The following ELOVL5 variants were observed in gnomAD, a reference collection of about 807,000 sequenced individuals.
ELOVL5 encodes very long chain fatty acid elongase 5.
Under a neutral mutation model 38.6 loss-of-function variants are expected in ELOVL5, and 8 were observed. That is an observed-to-expected ratio of 0.21 (90% CI 0.12 to 0.37). The LOEUF is 0.37. Ranked by LOEUF, ELOVL5 falls within the 10% of genes least tolerant of loss-of-function variation. The pLI, the probability that ELOVL5 is intolerant of heterozygous loss-of-function variation, is 1.00. For synonymous variants in ELOVL5, 127 were observed against 133.7 expected, an observed-to-expected ratio of 0.95 and a Z score of 0.34; for missense variants, 280 against 367.8, an observed-to-expected ratio of 0.76 and a Z score of 1.95.
intron 1 of ELOVL5, among the ~76,000 whole-genome samples, chr6:53,297,014 T>G (rs917435818): frequency 6.6e-6 from 1 of 152,172 alleles, no homozygotes; most frequent in Non-Finnish European, 1.5e-5. Context: ...AGATGGGACG[T>G]AGAGATAGGA....
At chr6:53,306,558 G>C (rs1258270914) in intron 1 of ELOVL5, among the ~76,000 whole-genome samples, 1 of 152,052 alleles carries the variant, frequency 6.6e-6, no homozygotes, top group Non-Finnish European at 1.5e-5. Flanking sequence ...AGGGTAACAT[G>C]ATTTTAGAAC....
At chr6:53,326,952 CTG>C (rs146741341) in intron 1 of ELOVL5, among the ~76,000 whole-genome samples, 1,921 of 152,324 alleles carry the variant, frequency 0.013, 41 homozygotes, top group African/African-American at 0.044. Context: ...ACTTTAGAAA[CTG>C]TGTGTCCACC....
intron 1 of ELOVL5, among the ~76,000 whole-genome samples, chr6:53,317,821 GAACA>G (rs1251201972): frequency 1.6e-5 from 2 of 127,778 alleles, no homozygotes; most frequent in East Asian, 4.5e-4. Flanking sequence ...AAAAAGATGA[GAACA>G]AAAAAAAATT....
Position 53,311,204 on chromosome 6 carries a change from C to T in ELOVL5, c.-8-15497G>A, listed in dbSNP as rs115680113. Among the ~76,000 whole-genome samples the T allele has an allele frequency of 7.3e-3, 1,109 of 152,316 alleles. 7 individuals are homozygous for T. The highest frequency in any genetic ancestry group is 0.011 in the Non-Finnish European group (757 of 68,036). On this transcript the variant is annotated intron_variant, in intron 1 of 7. Transcript: ENST00000304434. ...ACACCACTGGAAACTTCAACATAAACAGCGCTCCTGTGGCTGTCCTACCTG... is the reference window on the plus strand; with the variant it reads ...ACACCACTGGAAACTTCAACATAAATAGCGCTCCTGTGGCTGTCCTACCTG...
chr6:53,310,439 T>C (rs209486), intron 1 of ELOVL5, among the ~76,000 whole-genome samples: 143,314 of 152,222 alleles, frequency 0.94, 67,552 homozygotes, highest in East Asian at 1. Context: ...TGGGGGATTT[T>C]CCGGGATGTA....
chr6:53,270,668 G>T lies in ELOVL5; in HGVS notation c.681C>A (p.Phe227Leu). ...TCTGGAAATACAACCAACCAAGAGG[G>T]AATGTGCACGGCCAGATGACCCCGC... ...TSCGVIWPCT[F>L]PLGWLYFQIG... The change falls in exon 7 of 8, where the codon TTC (phenylalanine) becomes TTA (leucine). Residue 227 changes from phenylalanine to leucine, a missense_variant. Transcript: ENST00000304434. 6.2e-7 allele frequency: 1 copy of T among 1,614,156 alleles called. No individual in the cohort carries two copies. Among genetic ancestry groups the T allele is most frequent in the Non-Finnish European group, 8.5e-7 (1 of 1,180,010 alleles).
chr6:53,270,538 G>T, intron 7 of ELOVL5, 55 bp downstream of exon 7: 1 of 1,589,674 alleles, frequency 6.3e-7, no homozygotes, highest in Non-Finnish European at 8.6e-7. Context: ...AATAGATGAG[G>T]GCCTTTGTTG....
chr6:53,326,113 G>A (rs953509146), intron 1 of ELOVL5, among the ~76,000 whole-genome samples: 1 of 152,210 alleles, frequency 6.6e-6, no homozygotes, highest in South Asian at 2.1e-4. Flanking sequence ...ACAGTAGACA[G>A]AAAGGGTAGG....
intron 3 of ELOVL5, chr6:53,287,849 G>A: frequency 2.6e-6 from 4 of 1,534,970 alleles, no homozygotes; most frequent in Non-Finnish European, 3.5e-6. Flanking sequence ...CATGTGCACT[G>A]CACAACACTG....
chr6:53,334,180 C>T (rs1768938513), intron 1 of ELOVL5, among the ~76,000 whole-genome samples: 1 of 152,224 alleles, frequency 6.6e-6, no homozygotes, highest in South Asian at 2.1e-4. Flanking sequence ...GAATTTAACA[C>T]GTTGTAGCAA....
chr6:53,340,353 G>A (rs1769274628), intron 1 of ELOVL5, among the ~76,000 whole-genome samples: 1 of 152,082 alleles, frequency 6.6e-6, no homozygotes, highest in Non-Finnish European at 1.5e-5. Context: ...CTCACAAAGT[G>A]CTGAGATTAC....
At chr6:53,290,595 A>AG (rs1766737450) in intron 3 of ELOVL5, 1 of 152,250 alleles carries the variant, frequency 6.6e-6, no homozygotes, top group Non-Finnish European at 1.5e-5. Flanking sequence ...TGGCATGTCA[A>AG]GCATAAAAGT....
chr6:53,320,652 A>T (rs1768267920), intron 1 of ELOVL5, among the ~76,000 whole-genome samples: 1 of 152,020 alleles, frequency 6.6e-6, no homozygotes, highest in Non-Finnish European at 1.5e-5. Flanking sequence ...CTTTTGTTCT[A>T]GTGTCTTTTC....
intron 1 of ELOVL5, among the ~76,000 whole-genome samples, chr6:53,348,104 G>A (rs1769647206): frequency 6.6e-6 from 1 of 151,104 alleles, no homozygotes; most frequent in African/African-American, 2.4e-5. Flanking sequence ...CGCCCCGGTC[G>A]CCCCCGAGTC....
chr6:53,318,794 C>A (rs1350506743), intron 1 of ELOVL5, among the ~76,000 whole-genome samples: 1 of 152,096 alleles, frequency 6.6e-6, no homozygotes, highest in Admixed American at 6.5e-5. Flanking sequence ...GCTTAAATTT[C>A]AACACTAAAG....
At chr6:53,348,568 G>C (rs892435869) in intron 1 of ELOVL5, among the ~76,000 whole-genome samples, 2 of 152,128 alleles carry the variant, frequency 1.3e-5, no homozygotes, top group Admixed American at 1.3e-4. Flanking sequence ...CCTCAGCCTC[G>C]GCGTGGGGCG....
intron 1 of ELOVL5, among the ~76,000 whole-genome samples, chr6:53,298,342 T>C (rs1767100545): frequency 6.6e-6 from 1 of 152,206 alleles, no homozygotes; most frequent in Non-Finnish European, 1.5e-5. Flanking sequence ...CAAGGCATTT[T>C]AAAACCTAGA....
intron 1 of ELOVL5, among the ~76,000 whole-genome samples, chr6:53,329,226 G>A (rs1044013889): frequency 6.6e-6 from 1 of 151,866 alleles, no homozygotes; most frequent in South Asian, 2.1e-4. Context: ...CTGCTACTAC[G>A]AGATTACTTT....
At chr6:53,348,441 A>G (rs1287888509) in intron 1 of ELOVL5, among the ~76,000 whole-genome samples, 2 of 151,790 alleles carry the variant, frequency 1.3e-5, no homozygotes, top group African/African-American at 4.8e-5. Flanking sequence ...GGGCGGGAGG[A>G]CCCAGGCGGA....
Sources: allele counts gnomAD v4.1 joint callset (sites outside exome capture counted in the v4.1 genomes callset), GRCh38; gene constraint gnomAD v4.1.1; transcripts MANE v1.5; gene names NCBI Gene and HGNC (gene_info 2026-07-23, HGNC 2026-07-21).